The following VPS13B variants were observed in gnomAD, a reference collection of about 807,000 sequenced individuals.
VPS13B encodes vacuolar protein sorting 13 homolog B, also known as intermembrane lipid transfer protein VPS13B.
In VPS13B, 285 loss-of-function variants were observed where a neutral mutation model predicts 426.4. The ratio of observed to expected loss-of-function variants is 0.67; its 90% CI spans 0.61 to 0.74. The LOEUF (loss-of-function observed/expected upper bound fraction) is 0.74. VPS13B is among the 30% of genes least tolerant of loss of function. VPS13B has a pLI of 0.00. For missense variants in VPS13B, 4,537 were observed against 4,782.6 expected, an observed-to-expected ratio of 0.95 and a Z score of 1.51; for synonymous variants, 1,676 against 1,676.4, an observed-to-expected ratio of 1.00 and a Z score of 0.01.
At chr8:99,399,851 G>T (rs1814938928) in intron 21 of VPS13B, among the ~76,000 whole-genome samples, 1 of 152,138 alleles carries the variant, frequency 6.6e-6, no homozygotes, top group Middle Eastern at 3.4e-3. Flanking sequence ...AGCAGACTGG[G>T]TTTATCTATT....
chr8:99,028,609 C>T (rs1303325601), intron 2 of VPS13B, among the ~76,000 whole-genome samples: 1 of 125,962 alleles, frequency 7.9e-6, no homozygotes, highest in Non-Finnish European at 1.7e-5. Flanking sequence ...GGCAGCTGGC[C>T]GGGCGGGGGG....
intron 58 of VPS13B, among the ~76,000 whole-genome samples, chr8:99,862,215 C>T (rs1399791458): frequency 6.6e-6 from 1 of 152,246 alleles, no homozygotes; most frequent in Non-Finnish European, 1.5e-5. Context: ...AGGACCTGCT[C>T]TAAGCATAGT....
intron 43 of VPS13B, among the ~76,000 whole-genome samples, chr8:99,797,815 A>G (rs1812929352): frequency 6.6e-6 from 1 of 152,200 alleles, no homozygotes; most frequent in Non-Finnish European, 1.5e-5. Flanking sequence ...TTTATCATAA[A>G]CTGAAAGTAT....
intron 39 of VPS13B, among the ~76,000 whole-genome samples, chr8:99,747,631 C>CA (rs1376001062): frequency 6.6e-6 from 1 of 151,798 alleles, no homozygotes; most frequent in African/African-American, 2.4e-5. Flanking sequence ...TGAGATATGG[C>CA]AAAAATGTTT....
chr8:99,247,417 G>A (rs1331608529), intron 17 of VPS13B, among the ~76,000 whole-genome samples: 1 of 151,898 alleles, frequency 6.6e-6, no homozygotes. Context: ...GGGAGTTTGG[G>A]CAATGCCTGT....
At chr8:99,269,485 T>C (rs1818465684) in intron 17 of VPS13B, among the ~76,000 whole-genome samples, 1 of 152,196 alleles carries the variant, frequency 6.6e-6, no homozygotes, top group South Asian at 2.1e-4. Flanking sequence ...CTTTCTAAAT[T>C]AAGTTCTGTA....
At position 99,415,519 on chromosome 8, in the gene VPS13B, T is replaced by C. The variant is rs551162087; in HGVS notation, c.3083-16018T>C. On this transcript the variant is annotated intron_variant, in intron 21 of 61. Transcript: ENST00000357162. ...TGGATTTTGTAATTTACAGCCTTTT[T>C]AGGCTGGTTTTTCCATAGTCTTCAT... 1.8e-4 allele frequency among the ~76,000 whole-genome samples: 28 copies of C among 152,310 alleles called. 1 individual carries two copies. In the South Asian group the frequency reaches 5.6e-3, roughly 30 times the overall value.
At chr8:99,047,879 G>T (rs1251847273) in intron 3 of VPS13B, among the ~76,000 whole-genome samples, 1 of 151,852 alleles carries the variant, frequency 6.6e-6, no homozygotes, top group Admixed American at 6.6e-5. Context: ...GTAGAGACGT[G>T]GTTTCATCAT....
At chr8:99,388,905 C>G (rs958850152) in intron 20 of VPS13B, among the ~76,000 whole-genome samples, 1 of 152,108 alleles carries the variant, frequency 6.6e-6, no homozygotes, top group Admixed American at 6.6e-5. Context: ...AATCCCAGCA[C>G]TTTGGGAAGC....
chr8:99,244,711 T>C (rs1817119774), intron 17 of VPS13B, among the ~76,000 whole-genome samples: 1 of 151,944 alleles, frequency 6.6e-6, no homozygotes, highest in Non-Finnish European at 1.5e-5. Flanking sequence ...CATCATTTTG[T>C]CCATAAATCT....
chr8:99,404,092 C>A (rs1815200257), intron 21 of VPS13B, among the ~76,000 whole-genome samples: 1 of 152,174 alleles, frequency 6.6e-6, no homozygotes, highest in Non-Finnish European at 1.5e-5. Context: ...TTTTCAACTT[C>A]ATCTGTTTCA....
intron 17 of VPS13B, among the ~76,000 whole-genome samples, chr8:99,266,307 G>C (rs1818296923): frequency 6.6e-6 from 1 of 152,040 alleles, no homozygotes; most frequent in Non-Finnish European, 1.5e-5. Context: ...AGCTACCCAG[G>C]AGGCTGAGAT....
chr8:99,643,001 A>G (rs1170009678), intron 34 of VPS13B, among the ~76,000 whole-genome samples: 1 of 152,214 alleles, frequency 6.6e-6, no homozygotes, highest in Non-Finnish European at 1.5e-5. Context: ...CATCTACAGA[A>G]AATATATTGA....
intron 3 of VPS13B, among the ~76,000 whole-genome samples, chr8:99,060,106 A>C (rs539559514): frequency 1.1e-4 from 16 of 152,142 alleles, no homozygotes; most frequent in Non-Finnish European, 1.5e-4. Flanking sequence ...AAGTAAAAAA[A>C]CTACAAACCA....
In VPS13B at chr8:99,673,320, T is replaced by C. The variant is rs923143323; in HGVS notation, c.6046+11829T>C. 1.2e-4 allele frequency among the ~76,000 whole-genome samples: 18 copies of C among 152,056 alleles called. 1 individual carries two copies. Among genetic ancestry groups the C allele is most frequent in the African/African-American group, 4.1e-4 (17 of 41,436 alleles). On this transcript the variant is annotated intron_variant, in intron 35 of 61. Transcript: ENST00000357162. ...TCTATCTCCATACTCATTATTGGTTTGTTCAGGTTTTCTGTTTCTTCATTA... is the reference window on the plus strand; with the variant it reads ...TCTATCTCCATACTCATTATTGGTTCGTTCAGGTTTTCTGTTTCTTCATTA...
intron 4 of VPS13B, among the ~76,000 whole-genome samples, chr8:99,100,878 TA>T (rs763656903): frequency 1.3e-5 from 2 of 151,070 alleles, no homozygotes; most frequent in African/African-American, 4.9e-5. Flanking sequence ...CCATCTCTAC[TA>T]AAAAAAATAC....
chr8:99,804,598 G>C (rs538582006), intron 43 of VPS13B, among the ~76,000 whole-genome samples: 3 of 152,070 alleles, frequency 2.0e-5, no homozygotes, highest in African/African-American at 7.2e-5. Flanking sequence ...ATTTACTGTT[G>C]GTTATTTTGT....
chr8:99,866,534 G>C (rs187934345), intron 58 of VPS13B, among the ~76,000 whole-genome samples: 2 of 152,226 alleles, frequency 1.3e-5, no homozygotes, highest in Non-Finnish European at 2.9e-5. Flanking sequence ...CTTTTGGGGG[G>C]CTGCCCAAAT....
At chr8:99,741,805 T>G (rs1304404038) in intron 39 of VPS13B, among the ~76,000 whole-genome samples, 2 of 152,100 alleles carry the variant, frequency 1.3e-5, no homozygotes, top group Non-Finnish European at 1.5e-5. Flanking sequence ...TACCAGAATC[T>G]CTGGGACACA....
Sources: gnomAD v4.1 joint callset for allele counts (sites outside exome capture counted in the v4.1 genomes callset) on GRCh38, gnomAD v4.1.1 for gene constraint, MANE v1.5 for transcripts, NCBI Gene and HGNC (gene_info 2026-07-23, HGNC 2026-07-21) for gene names.